The following LRRTM3 variants were observed in gnomAD, a reference collection of about 807,000 sequenced individuals.
LRRTM3 encodes the protein leucine-rich repeat transmembrane neuronal protein 3.
Under a neutral mutation model 44.7 loss-of-function variants are expected in LRRTM3, and 24 were observed. The observed-to-expected ratio is 0.54, with a 90% CI of 0.39 to 0.76. LRRTM3 has a LOEUF of 0.76. Ranked by LOEUF, LRRTM3 falls within the 30% of genes least tolerant of loss-of-function variation. LRRTM3 has a pLI of 0.00. For missense variants in LRRTM3, 587 were observed against 702.2 expected, an observed-to-expected ratio of 0.84 and a Z score of 1.85; for synonymous variants, 277 against 278.7, an observed-to-expected ratio of 0.99 and a Z score of 0.06.
At chr10:67,070,380 T>C (rs536460228) in intron 2 of LRRTM3, among the ~76,000 whole-genome samples, 4 of 152,336 alleles carry the variant, frequency 2.6e-5, no homozygotes, top group African/African-American at 9.6e-5. Flanking sequence ...TATGTTTTGA[T>C]GAACAAAAGT....
At chr10:66,947,003 C>T (rs1402905594) in intron 2 of LRRTM3, among the ~76,000 whole-genome samples, 1 of 152,136 alleles carries the variant, frequency 6.6e-6, no homozygotes, top group Non-Finnish European at 1.5e-5. Context: ...AAGAAGGACA[C>T]TGAGGTAATC....
chr10:66,944,437 T>G (rs1354847532), intron 2 of LRRTM3, among the ~76,000 whole-genome samples: 1 of 152,170 alleles, frequency 6.6e-6, no homozygotes, highest in Non-Finnish European at 1.5e-5. Flanking sequence ...CTTCCTCCAC[T>G]GAAGTCTTGA....
chr10:66,944,233 T>A (rs1564785472), intron 2 of LRRTM3, among the ~76,000 whole-genome samples: 1 of 152,208 alleles, frequency 6.6e-6, no homozygotes, highest in South Asian at 2.1e-4. Flanking sequence ...AAATCATTTG[T>A]TATTATTTCA....
At chr10:67,017,855 C>T (rs925306547) in intron 2 of LRRTM3, among the ~76,000 whole-genome samples, 19 of 152,024 alleles carry the variant, frequency 1.2e-4, no homozygotes, top group Non-Finnish European at 1.2e-4. Flanking sequence ...CTGCAACCTC[C>T]GCCTCCAGGG....
chr10:67,056,422 T>G (rs1371999337), intron 2 of LRRTM3, among the ~76,000 whole-genome samples: 3 of 152,142 alleles, frequency 2.0e-5, no homozygotes, highest in African/African-American at 7.2e-5. Flanking sequence ...TGCATCTAAT[T>G]TTATGTTCAC....
chr10:66,976,776 A>C (rs1850059738), intron 2 of LRRTM3, among the ~76,000 whole-genome samples: 1 of 152,152 alleles, frequency 6.6e-6, no homozygotes, highest in African/African-American at 2.4e-5. Context: ...TAAGTCTTTA[A>C]ATTTCATGTA....
At chr10:67,030,585 AT>A (rs143659283) in intron 2 of LRRTM3, among the ~76,000 whole-genome samples, 1,845 of 152,202 alleles carry the variant, frequency 0.012, 48 homozygotes, top group African/African-American at 0.042. Context: ...TTTTATGAAG[AT>A]AAATATCTGA....
chr10:66,965,566 T>G (rs1372467019), intron 2 of LRRTM3, among the ~76,000 whole-genome samples: 3 of 1,908 alleles, frequency 1.6e-3, no homozygotes, highest in African/African-American at 1.7e-3. Context: ...AAAAAAGCTG[T>G]TTTTTTTTTT....
At chr10:66,978,185 A>G (rs1303202584) in intron 2 of LRRTM3, among the ~76,000 whole-genome samples, 2 of 152,018 alleles carry the variant, frequency 1.3e-5, no homozygotes, top group Non-Finnish European at 1.5e-5. Context: ...TGCAAGATGA[A>G]TAAGTTCTAG....
At position 67,013,407 on chromosome 10, in the gene LRRTM3, ACAAT is replaced by A. The variant is rs1209885770; in HGVS notation, c.1537-84177_1537-84174del. Among the ~76,000 whole-genome samples, 9 of 145,192 alleles carry A rather than the reference ACAAT, an allele frequency of 6.2e-5. No individual in the cohort carries two copies. In the East Asian group the frequency reaches 1.7e-3, roughly 28 times the overall value. ...CTAAAAAAATTAATAATAACTTCAA[ACAAT>A]CATTGTTATCATTTCCAATAAGCAA... On this transcript the variant is annotated intron_variant, in intron 2 of 2. Transcript: ENST00000361320.
intron 2 of LRRTM3, among the ~76,000 whole-genome samples, chr10:67,041,978 G>A (rs546465264): frequency 2.8e-4 from 43 of 152,208 alleles, no homozygotes; most frequent in African/African-American, 9.9e-4. Context: ...GGCATATATA[G>A]TAGTTTGATA....
At chr10:67,001,466 T>A (rs1250944327) in intron 2 of LRRTM3, among the ~76,000 whole-genome samples, 1 of 149,488 alleles carries the variant, frequency 6.7e-6, no homozygotes, top group Non-Finnish European at 1.5e-5. Flanking sequence ...GACAGAAGGA[T>A]GGGGAAATGG....
chr10:66,961,110 T>G (rs891304978), intron 2 of LRRTM3, among the ~76,000 whole-genome samples: 1 of 152,200 alleles, frequency 6.6e-6, no homozygotes, highest in Non-Finnish European at 1.5e-5. Context: ...TAGCAAGGTC[T>G]TCTAGCAAGT....
chr10:66,936,644 T>C (rs974091686), intron 2 of LRRTM3, among the ~76,000 whole-genome samples: 1 of 152,152 alleles, frequency 6.6e-6, no homozygotes, highest in Non-Finnish European at 1.5e-5. Flanking sequence ...ATGGACTAGA[T>C]TGAACTCTAC....
At chr10:66,971,316 C>A (rs1241332851) in intron 2 of LRRTM3, among the ~76,000 whole-genome samples, 3 of 152,096 alleles carry the variant, frequency 2.0e-5, no homozygotes, top group African/African-American at 7.2e-5. Flanking sequence ...ATTCCAGCTA[C>A]TCAGGAGGCT....
chr10:67,058,603 G>C (rs1252874909), intron 2 of LRRTM3, among the ~76,000 whole-genome samples: 3 of 152,086 alleles, frequency 2.0e-5, no homozygotes, highest in Non-Finnish European at 4.4e-5. Context: ...TGCCCTGCAA[G>C]GCCCCTTTTT....
chr10:67,068,376 T>G (rs1217614756), intron 2 of LRRTM3, among the ~76,000 whole-genome samples: 1 of 152,176 alleles, frequency 6.6e-6, no homozygotes, highest in African/African-American at 2.4e-5. Context: ...GAATTCAGTC[T>G]TGCATGTGTT....
intron 2 of LRRTM3, among the ~76,000 whole-genome samples, chr10:66,942,373 G>T (rs1356540744): frequency 6.6e-6 from 1 of 152,140 alleles, no homozygotes; most frequent in African/African-American, 2.4e-5. Flanking sequence ...TCCTTTAATG[G>T]ACTTGCTCTA....
At chr10:67,056,171 T>C (rs1855417265) in intron 2 of LRRTM3, among the ~76,000 whole-genome samples, 1 of 152,188 alleles carries the variant, frequency 6.6e-6, no homozygotes, top group African/African-American at 2.4e-5. Flanking sequence ...ATGGAATTTA[T>C]ATCACATAAG....
Sources: gnomAD v4.1 joint callset for allele counts (sites outside exome capture counted in the v4.1 genomes callset) on GRCh38, gnomAD v4.1.1 for gene constraint, MANE v1.5 for transcripts, NCBI Gene and HGNC (gene_info 2026-07-23, HGNC 2026-07-21) for gene names.